Variants in NKTR observed in about 807,000 individuals in gnomAD.
The protein encoded by NKTR is NK-tumor recognition protein.
Under a neutral mutation model 156.3 loss-of-function variants are expected in NKTR, and 67 were observed. That is an observed-to-expected ratio of 0.43 (90% confidence interval 0.35 to 0.53). NKTR has a LOEUF of 0.53. NKTR is among the 20% of genes least tolerant of loss of function. The probability of loss-of-function intolerance (pLI) is 0.01; values close to 1 mark genes in which losing one functional copy is unlikely to be tolerated. For missense variants in NKTR, 1,604 were observed against 1,730.9 expected, an observed-to-expected ratio of 0.93 and a Z score of 1.30; for synonymous variants, 640 against 596.6, an observed-to-expected ratio of 1.07 and a Z score of -1.06.
In NKTR at chr3:42,647,523, T is replaced by C. The variant is rs575085273; in HGVS notation, c.*1548T>C. 7 of 152,112 alleles carry C rather than the reference T, an allele frequency of 4.6e-5. No individual in the cohort carries two copies. Among genetic ancestry groups the C allele is most frequent in the African/African-American group, 1.7e-4 (7 of 41,482 alleles). The allele number at this position is 152,112 out of a possible 1,614,324, so 9.4% of individuals were successfully genotyped here. Reference sequence around the variant, plus strand: ...TTGGTGGAGGGAGGGTGCCCTTGAATGTATTAAAACTATCACCCAAAGAAG... The same window carrying C: ...TTGGTGGAGGGAGGGTGCCCTTGAACGTATTAAAACTATCACCCAAAGAAG... On this transcript the variant is annotated 3_prime_UTR_variant, in exon 17 of 17. Coordinates refer to ENST00000232978, the MANE Select transcript of NKTR (RefSeq NM_005385.4).
intron 8 of NKTR, among the ~76,000 whole-genome samples, chr3:42,632,061 C>CT (rs564114469): frequency 0.022 from 1,885 of 86,518 alleles, 78 homozygotes; most frequent in East Asian, 0.045. Context: ...TTATGCAATT[C>CT]TTTTTTTTTT....
chr3:42,645,870 T>A lies in NKTR; in HGVS notation c.4302-18T>A. On this transcript the variant is annotated intron_variant, in intron 16 of 16. Coordinates refer to ENST00000232978, the MANE Select transcript of NKTR (RefSeq NM_005385.4). ...TTACAGTTACAAGATTTTTATATAT[T>A]TTGTTTTGTTATTACAGGAGTTGTA... is the stretch of plus-strand genomic sequence containing the variant. 2 of 1,556,378 alleles carry A rather than the reference T, an allele frequency of 1.3e-6. No individual in the cohort carries two copies. Among genetic ancestry groups the A allele is most frequent in the Non-Finnish European group, 1.8e-6 (2 of 1,136,068 alleles).
At chr3:42,609,916 G>A (rs1475471639) in intron 2 of NKTR, among the ~76,000 whole-genome samples, 1 of 152,120 alleles carries the variant, frequency 6.6e-6, no homozygotes, top group Non-Finnish European at 1.5e-5. Context: ...CTTTCTAGGT[G>A]TATAGCTAAT....
Position 42,637,151 on chromosome 3 carries a change from A to G in NKTR, c.1447A>G (p.Arg483Gly). ...AATGAAATCCTCTTGTGATAGAGAA[A>G]GGAGTTCTCGTTCTTCCTCATTGTC... ...RRMKSSCDRE[R>G]SSRSSSLSSH... is the part of the protein sequence containing the mutation. Residue 483 changes from arginine (R) to glycine (G), a missense_variant, in exon 13 of 17, where the codon AGG (arginine) becomes GGG (glycine). Arg to Gly is a moderately radical substitution (Grantham distance 125, BLOSUM62 -2). Around this residue, in one of 6 missense-constraint regions of NKTR, gnomAD observed 1,255 missense variants for 1,243.7 expected, o/e 1.01. Coordinates refer to ENST00000232978, the MANE Select transcript of NKTR (RefSeq NM_005385.4). The G allele has an allele frequency of 3.1e-6, 5 of 1,612,178 alleles. No individual in the cohort carries two copies. The highest frequency in any genetic ancestry group is 4.2e-6 in the Non-Finnish European group (5 of 1,179,496).
intron 6 of NKTR, among the ~76,000 whole-genome samples, chr3:42,625,145 G>T (rs1033546824): frequency 2.6e-5 from 4 of 152,134 alleles, no homozygotes; most frequent in African/African-American, 9.7e-5. Context: ...AGTCATAATT[G>T]CCTAGTTTTC....
intron 3 of NKTR, 31 bp from the exon 4 acceptor site, chr3:42,618,987 AAC>A (rs1323758858): frequency 2.1e-5 from 32 of 1,521,660 alleles, no homozygotes; most frequent in Non-Finnish European, 2.8e-5. Context: ...TAAATAATTA[AAC>A]TTCATTTCTT....
At chr3:42,621,118 T>C in intron 5 of NKTR, 1 of 989,254 alleles carries the variant, frequency 1.0e-6, no homozygotes, top group South Asian at 4.7e-5. Flanking sequence ...ATTTTATTAG[T>C]TTTCCCTGAA....
chr3:42,601,104 T>A, intron 2 of NKTR, 40 bp downstream of exon 2: 1 of 1,508,928 alleles, frequency 6.6e-7, no homozygotes, highest in Non-Finnish European at 8.9e-7. Flanking sequence ...GGCCGAGGCC[T>A]GCCTTGGCGA....
In NKTR at chr3:42,635,215, T is replaced by G. The variant is rs1357427832; in HGVS notation, c.1018-6T>G. 6.8e-6 allele frequency: 11 copies of G among 1,606,934 alleles called. No homozygotes were observed. The highest frequency in any genetic ancestry group is 9.3e-6 in the Non-Finnish European group (11 of 1,177,794). On this transcript the variant is annotated splice_region_variant and splice_polypyrimidine_tract_variant and intron_variant, in intron 11 of 16. Coordinates refer to ENST00000232978, the MANE Select transcript of NKTR (RefSeq NM_005385.4). Reference sequence around the variant, plus strand: ...TTTTAAAATACTATTGTTTTTGTTTTTAAAGCGCTATCACACACCTCCAAG... The same window carrying G: ...TTTTAAAATACTATTGTTTTTGTTTGTAAAGCGCTATCACACACCTCCAAG...
intron 5 of NKTR, 175 bp downstream of exon 5, chr3:42,619,883 T>A (rs1707746960): frequency 1.1e-5 from 16 of 1,411,844 alleles, no homozygotes; most frequent in Non-Finnish European, 1.4e-5. Context: ...TAATATATAA[T>A]TTTTAATTGA....
chr3:42,646,059 TTCAATATCAGAGGTGAATTTCAAAAATAG>T lies in NKTR; in HGVS notation c.*85_*113del. The T allele has an allele frequency of 1.0e-6, 1 of 983,860 alleles. No individual in the cohort carries two copies. The allele number at this position is 983,860 out of a possible 1,614,324, so 60.9% of individuals were successfully genotyped here. A position where few individuals can be genotyped will look rare whatever the true frequency, so the allele number is the denominator to read the frequency against. Reference sequence around the variant, plus strand: ...ATGTAATGACAGTCTGTTGTTCTATTTCAATATCAGAGGTGAATTTCAAAAATAGACACTTCTTAATTGTTACTGGTTCA... The same window carrying T: ...ATGTAATGACAGTCTGTTGTTCTATTACACTTCTTAATTGTTACTGGTTCA... On this transcript the variant is annotated 3_prime_UTR_variant, in exon 17 of 17. Coordinates refer to ENST00000232978, the MANE Select transcript of NKTR (RefSeq NM_005385.4).
chr3:42,639,432 C>T lies in NKTR; in HGVS notation c.3728C>T (p.Ser1243Phe), dbSNP rs760082898. The T allele has an allele frequency of 6.2e-7, 1 of 1,614,126 alleles. No homozygotes were observed. Among genetic ancestry groups the T allele is most frequent in the Non-Finnish European group, 8.5e-7 (1 of 1,179,988 alleles). The change falls in exon 13 of 17, where the codon TCC becomes TTC. Residue 1243 changes from serine (S) to phenylalanine (F), a missense_variant. Physicochemically the swap from Ser to Phe is radical, Grantham distance 155 (BLOSUM62 -2). Transcript: ENST00000232978. ...GNLAAPNAAT[S>F]SAVEVKVLTT... ...CTGGCAGCACCTAATGCTGCCACAT[C>T]CAGTGCTGTGGAAGTTAAGGTGTTG...
intron 2 of NKTR, among the ~76,000 whole-genome samples, chr3:42,615,033 T>C (rs1032401263): frequency 1.3e-5 from 2 of 152,040 alleles, no homozygotes; most frequent in Non-Finnish European, 2.9e-5. Context: ...CTTTTTTTTT[T>C]GCTCCAGGCT....
chr3:42,607,001 C>T (rs929532571), intron 2 of NKTR, among the ~76,000 whole-genome samples: 7 of 152,118 alleles, frequency 4.6e-5, no homozygotes, highest in Admixed American at 6.6e-5. Flanking sequence ...CCTTCTGATA[C>T]GTAATCACTT....
intron 7 of NKTR, chr3:42,630,923 G>C: frequency 7.2e-7 from 1 of 1,379,734 alleles, no homozygotes; most frequent in African/African-American, 1.5e-5. Flanking sequence ...AATGTTACCA[G>C]ACTCTTTACC....
At position 42,631,267 on chromosome 3, in the gene NKTR, T is replaced by TG; in HGVS notation, c.502dup (p.Val168GlyfsTer5). ...ATGCTGCAAGCAGACCATATGCAGATGTGCGAGTTATTGACTGTGGAGTAC... is the reference window on the plus strand; with the variant it reads ...ATGCTGCAAGCAGACCATATGCAGATGGTGCGAGTTATTGACTGTGGAGTAC... On this transcript the variant is annotated frameshift_variant, in exon 8 of 17. Transcript: ENST00000232978. LOFTEE classifies it high-confidence loss of function. 1.9e-6 allele frequency: 3 copies of TG among 1,614,064 alleles called. No homozygotes were observed. Among genetic ancestry groups the TG allele is most frequent in the Non-Finnish European group, 2.5e-6 (3 of 1,179,964 alleles).
At chr3:42,644,789 T>C (rs1710215311) in intron 16 of NKTR, among the ~76,000 whole-genome samples, 2 of 151,974 alleles carry the variant, frequency 1.3e-5, no homozygotes, top group South Asian at 4.1e-4. Context: ...AGTTCCCATC[T>C]ACCCTGCAGA....
intron 5 of NKTR, chr3:42,620,024 G>A: frequency 6.5e-7 from 1 of 1,534,128 alleles, no homozygotes; most frequent in Non-Finnish European, 8.7e-7. Flanking sequence ...AGAGAATGTG[G>A]TCTTTTGCAA....
chr3:42,605,792 A>C (rs533657614), intron 2 of NKTR, among the ~76,000 whole-genome samples: 1 of 152,330 alleles, frequency 6.6e-6, no homozygotes, highest in South Asian at 2.1e-4. Flanking sequence ...TGCACTGTAT[A>C]TGCTCATTAA....
Sources: gnomAD v4.1 joint callset for allele counts (sites outside exome capture counted in the v4.1 genomes callset) on GRCh38, gnomAD v4.1.1 for gene constraint, gnomAD v4.1.1 regional missense constraint, MANE v1.5 for transcripts, NCBI Gene and HGNC (gene_info 2026-07-23, HGNC 2026-07-21) for gene names.